ERC2: variants seen among roughly 807,000 people sequenced by gnomAD.
ERC2 encodes the protein ERC protein 2.
A neutral mutation model predicts 114.8 loss-of-function variants in ERC2; 42 were observed. That is an observed-to-expected ratio of 0.37 (90% CI 0.29 to 0.47). The LOEUF (loss-of-function observed/expected upper bound fraction) is 0.47. Ranked by LOEUF, ERC2 falls within the 20% of genes least tolerant of loss-of-function variation. The pLI is 0.99. For synonymous variants in ERC2, 454 were observed against 425.5 expected (o/e 1.07, Z -0.82); for missense variants, 939 against 1,150.7 (o/e 0.82, Z 2.66).
At chr3:56,186,275 T>C (rs2083608413) in intron 3 of ERC2, among the ~76,000 whole-genome samples, 1 of 152,110 alleles carries the variant, frequency 6.6e-6, no homozygotes, top group Non-Finnish European at 1.5e-5. Flanking sequence ...CTGCTAAACA[T>C]GTGGTAATTT....
chr3:55,721,405 T>C (rs1479173359), intron 15 of ERC2, among the ~76,000 whole-genome samples: 1 of 152,270 alleles, frequency 6.6e-6, no homozygotes, highest in Non-Finnish European at 1.5e-5. Flanking sequence ...CAAAAGCGAA[T>C]CCTGCCAATT....
intron 2 of ERC2, among the ~76,000 whole-genome samples, chr3:56,426,023 CCGT>C (rs1330481711): frequency 6.6e-6 from 1 of 152,170 alleles, no homozygotes; most frequent in African/African-American, 2.4e-5. Context: ...ATCACATCAA[CCGT>C]CAAGACAGAA....
At chr3:55,606,186 G>T (rs565049511) in intron 17 of ERC2, among the ~76,000 whole-genome samples, 23 of 152,298 alleles carry the variant, frequency 1.5e-4, no homozygotes, top group African/African-American at 5.5e-4. Context: ...TTGGGGTTTA[G>T]GGGTTCAGTA....
intron 3 of ERC2, among the ~76,000 whole-genome samples, chr3:56,220,549 T>C (rs947596532): frequency 4.6e-5 from 7 of 152,158 alleles, no homozygotes; most frequent in South Asian, 2.1e-4. Context: ...AAGCACAACA[T>C]AAAGCTGTCT....
chr3:56,099,679 A>G (rs1184879624), intron 6 of ERC2, among the ~76,000 whole-genome samples: 1 of 152,212 alleles, frequency 6.6e-6, no homozygotes, highest in Non-Finnish European at 1.5e-5. Flanking sequence ...TGTGTCCACC[A>G]TAGTTGGTGA....
chr3:55,874,842 C>T (rs1343607061), intron 14 of ERC2, among the ~76,000 whole-genome samples: 3 of 152,164 alleles, frequency 2.0e-5, no homozygotes, highest in African/African-American at 7.2e-5. Context: ...GAATCAATCC[C>T]AGCGACACTG....
At chr3:56,191,226 G>A (rs561809256) in intron 3 of ERC2, among the ~76,000 whole-genome samples, 2 of 152,206 alleles carry the variant, frequency 1.3e-5, no homozygotes, top group African/African-American at 4.8e-5. Flanking sequence ...GAAACCCAGG[G>A]GAGAACTGTG....
intron 13 of ERC2, among the ~76,000 whole-genome samples, chr3:55,947,676 A>G (rs2067218505): frequency 6.6e-6 from 1 of 152,230 alleles, no homozygotes; most frequent in African/African-American, 2.4e-5. Context: ...TGCAGTGAGT[A>G]GAAGTGCCCA....
intron 7 of ERC2, among the ~76,000 whole-genome samples, chr3:56,034,026 T>A (rs1560060840): frequency 6.6e-6 from 1 of 152,158 alleles, no homozygotes; most frequent in East Asian, 1.9e-4. Flanking sequence ...TCAAAAGACA[T>A]AGAATGTCTA....
intron 17 of ERC2, among the ~76,000 whole-genome samples, chr3:55,641,160 C>A (rs575458385): frequency 6.6e-6 from 1 of 152,206 alleles, no homozygotes; most frequent in South Asian, 2.1e-4. Flanking sequence ...GAAAACAAAG[C>A]CAAAAGATGG....
In ERC2 at chr3:55,641,937, A is replaced by T. The variant is rs535231984; in HGVS notation, c.*39+41857T>A. ...AAGGAAGATTACAAAGACTATTTTAAGGTGAAGAGTAGCCCATTACTTCCA... is the reference window on the plus strand; with the variant it reads ...AAGGAAGATTACAAAGACTATTTTATGGTGAAGAGTAGCCCATTACTTCCA... On this transcript the variant is annotated intron_variant, in intron 17 of 17. Transcript: ENST00000288221. Among the ~76,000 whole-genome samples the T allele has an allele frequency of 1.7e-3, 252 of 152,348 alleles. 1 individual carries two copies. The highest frequency in any genetic ancestry group is 5.8e-3 in the African/African-American group (240 of 41,574).
At chr3:55,565,404 A>G (rs2056301489) in intron 17 of ERC2, among the ~76,000 whole-genome samples, 1 of 152,198 alleles carries the variant, frequency 6.6e-6, no homozygotes, top group Non-Finnish European at 1.5e-5. Flanking sequence ...GGGTACTGGA[A>G]GCCTGCTGGG....
At chr3:56,440,445 G>A (rs1217383884) in intron 1 of ERC2, among the ~76,000 whole-genome samples, 1 of 152,026 alleles carries the variant, frequency 6.6e-6, no homozygotes, top group Non-Finnish European at 1.5e-5. Context: ...CTACTCGGGA[G>A]GCTGAGGCAG....
chr3:56,318,240 G>A (rs557358461), intron 2 of ERC2, among the ~76,000 whole-genome samples: 144 of 152,310 alleles, frequency 9.5e-4, no homozygotes, highest in Non-Finnish European at 1.6e-3. Context: ...AGGGTGAAGT[G>A]CAGTGGCATG....
intron 2 of ERC2, among the ~76,000 whole-genome samples, chr3:56,348,907 A>AGAAGGAAG (rs1358863890): frequency 6.3e-4 from 22 of 34,932 alleles, no homozygotes; most frequent in South Asian, 2.9e-3. Flanking sequence ...AAGGAAGGAA[A>AGAAGGAAG]GAAGGAAGGA....
At chr3:56,194,371 G>A (rs934829241) in intron 3 of ERC2, among the ~76,000 whole-genome samples, 4 of 152,154 alleles carry the variant, frequency 2.6e-5, no homozygotes, top group East Asian at 1.9e-4. Context: ...GGCGAGGCCC[G>A]ATCCAATGAT....
intron 3 of ERC2, among the ~76,000 whole-genome samples, chr3:56,269,659 A>G (rs1175526985): frequency 1.3e-5 from 2 of 152,196 alleles, no homozygotes; most frequent in East Asian, 1.9e-4. Context: ...AAATAACCCT[A>G]TATTCCCAAA....
intron 7 of ERC2, among the ~76,000 whole-genome samples, chr3:56,032,985 AAGAAAG>A (rs1560057530): frequency 1.2e-5 from 1 of 82,600 alleles, no homozygotes; most frequent in Non-Finnish European, 2.8e-5. Flanking sequence ...AAGAGAAAGA[AAGAAAG>A]AAAGAAAGAA....
chr3:56,171,352 A>C (rs1235368119), intron 4 of ERC2, among the ~76,000 whole-genome samples: 3 of 152,162 alleles, frequency 2.0e-5, no homozygotes, highest in Admixed American at 6.5e-5. Context: ...AGGTATGTTG[A>C]GGATAGATGT....
Sources: allele counts gnomAD v4.1 joint callset (sites outside exome capture counted in the v4.1 genomes callset), GRCh38; gene constraint gnomAD v4.1.1; transcripts MANE v1.5; gene names NCBI Gene and HGNC (gene_info 2026-07-23, HGNC 2026-07-21).